Variants in LRP1B observed in about 807,000 individuals in gnomAD.
LRP1B encodes the protein LDL receptor related protein 1B.
A neutral mutation model predicts 556.6 loss-of-function variants in LRP1B; 217 were observed. That is an observed-to-expected ratio of 0.39 (90% CI 0.35 to 0.44). The LOEUF is 0.44. Among genes scored for constraint, LRP1B ranks in the 20% least tolerant of loss-of-function variants. The probability of loss-of-function intolerance (pLI) is 1.00; values close to 1 mark genes in which losing one functional copy is unlikely to be tolerated. For synonymous variants in LRP1B, 2,047 were observed against 1,865.8 expected, an observed-to-expected ratio of 1.10 and a Z score of -2.50; for missense variants, 5,053 against 5,620.8, an observed-to-expected ratio of 0.90 and a Z score of 3.23.
intron 5 of LRP1B, among the ~76,000 whole-genome samples, chr2:141,242,701 A>G (rs939444248): frequency 6.6e-6 from 1 of 152,120 alleles, no homozygotes; most frequent in Admixed American, 6.6e-5. Flanking sequence ...TAGAGTGATG[A>G]TCATAAAATT....
chr2:141,251,710 G>T (rs982345760), intron 4 of LRP1B, among the ~76,000 whole-genome samples: 5 of 152,058 alleles, frequency 3.3e-5, no homozygotes, highest in Non-Finnish European at 5.9e-5. Flanking sequence ...AGCAAAACAA[G>T]CATGGGTGGA....
intron 2 of LRP1B, among the ~76,000 whole-genome samples, chr2:141,739,865 G>A (rs73963575): frequency 0.022 from 3,399 of 151,946 alleles, 142 homozygotes; most frequent in African/African-American, 0.078. Flanking sequence ...CCTCCTCAAA[G>A]CATAGTTCAA....
At chr2:140,593,036 G>T (rs986051224) in intron 43 of LRP1B, among the ~76,000 whole-genome samples, 2 of 151,906 alleles carry the variant, frequency 1.3e-5, no homozygotes, top group Non-Finnish European at 2.9e-5. Flanking sequence ...CTTTCTGATT[G>T]TTCTTAGAAT....
In LRP1B at chr2:141,672,574, C is replaced by A. The variant is rs142622357; in HGVS notation, c.205+137705G>T. ...TTTGCTATACCTAGATTTATGTAAT[C>A]TGGTTTGCAAAAACATTGTGAGTCA... is the stretch of plus-strand genomic sequence containing the variant. On this transcript the variant is annotated intron_variant, in intron 2 of 90. Transcript: ENST00000389484. 6.9e-3 allele frequency among the ~76,000 whole-genome samples: 1,056 copies of A among 152,194 alleles called. 6 individuals carry two copies. The highest frequency in any genetic ancestry group is 0.011 in the Non-Finnish European group (763 of 68,006).
In LRP1B at chr2:141,458,654, T is replaced by A. The variant is rs970301051; in HGVS notation, c.343+21742A>T. Among the ~76,000 whole-genome samples, 5 of 146,592 alleles carry A rather than the reference T, an allele frequency of 3.4e-5. No individual in the cohort carries two copies. The South Asian group carries it at 6.7e-4, about 20-fold the overall frequency. On this transcript the variant is annotated intron_variant, in intron 3 of 90. Coordinates refer to ENST00000389484, the MANE Select transcript of LRP1B (RefSeq NM_018557.3). The stretch of plus-strand genomic sequence containing the variant: ...TCGGATCCCTATCTCATTTTTTTTT[T>A]AAATCGTAAAACCAAAAGAAAATCA...
chr2:140,678,670 T>C (rs1192773757), intron 41 of LRP1B, among the ~76,000 whole-genome samples: 1 of 151,818 alleles, frequency 6.6e-6, no homozygotes, highest in East Asian at 1.9e-4. Context: ...AGCGATGGGG[T>C]TGCTTACGCA....
At chr2:141,311,620 C>T (rs1374977039) in intron 3 of LRP1B, among the ~76,000 whole-genome samples, 3 of 151,926 alleles carry the variant, frequency 2.0e-5, no homozygotes, top group Non-Finnish European at 4.4e-5. Flanking sequence ...AGGGTAGGTC[C>T]CCCATGATGG....
chr2:141,200,607 C>G (rs1164263782), intron 6 of LRP1B, among the ~76,000 whole-genome samples: 1 of 152,038 alleles, frequency 6.6e-6, no homozygotes, highest in Non-Finnish European at 1.5e-5. Flanking sequence ...CCACTTATCC[C>G]CCTATATGTA....
intron 11 of LRP1B, among the ~76,000 whole-genome samples, chr2:141,020,513 CA>C (rs1017037180): frequency 2.6e-5 from 4 of 151,992 alleles, no homozygotes; most frequent in Non-Finnish European, 5.9e-5. Context: ...ACTGTGTCAG[CA>C]TGTTCAAACT....
At chr2:140,333,643 T>C (rs1303440864) in intron 79 of LRP1B, among the ~76,000 whole-genome samples, 1 of 152,096 alleles carries the variant, frequency 6.6e-6, no homozygotes, top group Non-Finnish European at 1.5e-5. Flanking sequence ...TGCATAATTA[T>C]TAAATAATAT....
At chr2:141,460,047 T>C (rs1327513923) in intron 3 of LRP1B, among the ~76,000 whole-genome samples, 1 of 152,180 alleles carries the variant, frequency 6.6e-6, no homozygotes, top group Non-Finnish European at 1.5e-5. Flanking sequence ...CTAAAACAAA[T>C]GTATTAAACA....
chr2:140,993,865 T>C, intron 16 of LRP1B, 130 bp downstream of exon 16: 1 of 879,946 alleles, frequency 1.1e-6, no homozygotes, highest in Non-Finnish European at 1.7e-6. Context: ...TGCAAAAGGA[T>C]GACTGAAAAA....
intron 1 of LRP1B, among the ~76,000 whole-genome samples, chr2:141,978,161 G>A (rs181003738): frequency 5.6e-4 from 85 of 152,214 alleles, no homozygotes; most frequent in Admixed American, 4.0e-3. Context: ...TATGGATAGT[G>A]AGTGAATGAA....
At chr2:140,298,630 T>G (rs1228415304) in intron 83 of LRP1B, among the ~76,000 whole-genome samples, 1 of 152,110 alleles carries the variant, frequency 6.6e-6, no homozygotes, top group Non-Finnish European at 1.5e-5. Context: ...GACTTAGAAG[T>G]TTAACATGAA....
chr2:140,705,936 T>C (rs1216061265), intron 37 of LRP1B, among the ~76,000 whole-genome samples: 7 of 152,122 alleles, frequency 4.6e-5, no homozygotes, highest in Admixed American at 4.6e-4. Context: ...TATTTGCTCC[T>C]TAAACTGAAA....
intron 18 of LRP1B, among the ~76,000 whole-genome samples, chr2:140,968,940 T>G (rs1696322957): frequency 6.6e-6 from 1 of 152,322 alleles, no homozygotes; most frequent in Admixed American, 6.5e-5. Context: ...GAAGAGTGCT[T>G]TACTTCCAAC....
chr2:140,650,561 T>C (rs1319276642), intron 41 of LRP1B, among the ~76,000 whole-genome samples: 1 of 151,852 alleles, frequency 6.6e-6, no homozygotes, highest in Non-Finnish European at 1.5e-5. Flanking sequence ...GTTGGCCAGG[T>C]TGGTCTCAAA....
intron 41 of LRP1B, among the ~76,000 whole-genome samples, chr2:140,621,280 G>A (rs1683442345): frequency 6.6e-6 from 1 of 151,202 alleles, no homozygotes; most frequent in Admixed American, 6.6e-5. Flanking sequence ...CAGGTACTCT[G>A]GAGGCTGAGG....
At chr2:140,404,760 CA>C (rs1465491411) in intron 66 of LRP1B, among the ~76,000 whole-genome samples, 1 of 152,014 alleles carries the variant, frequency 6.6e-6, no homozygotes, top group Non-Finnish European at 1.5e-5. Flanking sequence ...AAATGGAAAC[CA>C]AAAGGGAGCA....
Sources: allele counts gnomAD v4.1 joint callset (sites outside exome capture counted in the v4.1 genomes callset), GRCh38; gene constraint gnomAD v4.1.1; transcripts MANE v1.5; gene names NCBI Gene and HGNC (gene_info 2026-07-23, HGNC 2026-07-21).